Variants in IKZF2 observed in about 807,000 individuals in gnomAD.
The protein encoded by IKZF2 is IKAROS family zinc finger 2.
A neutral mutation model predicts 49.2 loss-of-function variants in IKZF2; 15 were observed. That is an observed-to-expected ratio of 0.30 (90% CI 0.20 to 0.47). IKZF2 has a LOEUF of 0.47. Ranked by LOEUF, IKZF2 falls within the 20% of genes least tolerant of loss-of-function variation. IKZF2 has a pLI of 1.00. For synonymous variants in IKZF2, 227 were observed against 221.4 expected (o/e 1.03, Z -0.23); for missense variants, 567 against 664.6 (o/e 0.85, Z 1.61).
chr2:213,049,882 T>A lies in IKZF2; in HGVS notation c.407-2A>T. ...GGTTACAGTGGAAGGGGCGTTCACC[T>A]GCAGTAAGGAGAAGAAATGGGAAGT... On this transcript the variant is annotated splice_acceptor_variant, in intron 5 of 8. Coordinates refer to ENST00000434687, the MANE Select transcript of IKZF2 (RefSeq NM_001387220.1). LOFTEE classifies it high-confidence loss of function. 6.5e-7 allele frequency: 1 copy of A among 1,542,750 alleles called. No homozygotes were observed. The highest frequency in any genetic ancestry group is 8.8e-7 in the Non-Finnish European group (1 of 1,137,276).
At chr2:213,111,755 TG>T (rs779347881) in intron 4 of IKZF2, among the ~76,000 whole-genome samples, 9 of 152,276 alleles carry the variant, frequency 5.9e-5, no homozygotes, top group Admixed American at 2.0e-4. Flanking sequence ...TTCTGTTTAC[TG>T]GGTGTAGAGA....
intron 4 of IKZF2, among the ~76,000 whole-genome samples, chr2:213,140,168 C>T (rs564379866): frequency 4.6e-5 from 7 of 151,966 alleles, no homozygotes; most frequent in Non-Finnish European, 7.4e-5. Flanking sequence ...GTGTTTCTAG[C>T]ATTAACATTC....
intron 4 of IKZF2, among the ~76,000 whole-genome samples, chr2:213,105,518 A>G (rs1261432723): frequency 6.7e-6 from 1 of 150,122 alleles, no homozygotes; most frequent in Non-Finnish European, 1.5e-5. Context: ...TGACACACTC[A>G]AACATTCCCA....
chr2:213,139,210 TG>T (rs2060783758), intron 4 of IKZF2, among the ~76,000 whole-genome samples: 4 of 151,988 alleles, frequency 2.6e-5, no homozygotes, highest in Admixed American at 2.6e-4. Context: ...AGACTGAATC[TG>T]GGGGATTTAG....
At chr2:213,052,736 TAATAACA>T (rs1479271181) in intron 5 of IKZF2, among the ~76,000 whole-genome samples, 1 of 152,096 alleles carries the variant, frequency 6.6e-6, no homozygotes, top group Non-Finnish European at 1.5e-5. Flanking sequence ...CATATCTGTC[TAATAACA>T]AATAAAAAGT....
intron 8 of IKZF2, among the ~76,000 whole-genome samples, chr2:213,012,542 A>T (rs1301906371): frequency 1.3e-5 from 2 of 152,018 alleles, no homozygotes; most frequent in African/African-American, 2.4e-5. Context: ...ACAGAAAAAA[A>T]GTTACCAAAG....
chr2:213,097,927 G>T, intron 4 of IKZF2: 1 of 263,612 alleles, frequency 3.8e-6, no homozygotes, highest in Non-Finnish European at 7.8e-6. Flanking sequence ...GTATATCAAA[G>T]GACACTTCTA....
chr2:213,072,796 G>C (rs1245937695), intron 4 of IKZF2, among the ~76,000 whole-genome samples: 5 of 152,070 alleles, frequency 3.3e-5, no homozygotes, highest in Non-Finnish European at 2.9e-5. Context: ...TAAAAATTAA[G>C]TATGGCCTAG....
intron 6 of IKZF2, among the ~76,000 whole-genome samples, chr2:213,035,904 G>A (rs1698975212): frequency 6.6e-6 from 1 of 152,144 alleles, no homozygotes; most frequent in Non-Finnish European, 1.5e-5. Flanking sequence ...GTGGCTGAGA[G>A]CAGAGACCCT....
chr2:213,060,259 T>C (rs1469687323), intron 4 of IKZF2, among the ~76,000 whole-genome samples: 1 of 151,372 alleles, frequency 6.6e-6, no homozygotes, highest in Admixed American at 6.6e-5. Flanking sequence ...GAACACCTAA[T>C]ATTTTAACTT....
chr2:213,113,711 T>A (rs975079866), intron 4 of IKZF2, among the ~76,000 whole-genome samples: 1 of 152,182 alleles, frequency 6.6e-6, no homozygotes, highest in Non-Finnish European at 1.5e-5. Context: ...CAGCTGTACC[T>A]ATTGATACTT....
At chr2:213,090,524 T>C (rs772617606) in intron 4 of IKZF2, among the ~76,000 whole-genome samples, 1 of 152,206 alleles carries the variant, frequency 6.6e-6, no homozygotes, top group Non-Finnish European at 1.5e-5. Flanking sequence ...AAGACAATTA[T>C]ACAATAAAAT....
chr2:213,084,787 C>A (rs1704380095), intron 4 of IKZF2, among the ~76,000 whole-genome samples: 1 of 152,096 alleles, frequency 6.6e-6, no homozygotes, highest in Non-Finnish European at 1.5e-5. Context: ...TACTTTGTAA[C>A]CTTTAGAGCC....
intron 4 of IKZF2, among the ~76,000 whole-genome samples, chr2:213,132,782 T>G (rs1474517765): frequency 1.3e-5 from 2 of 152,224 alleles, no homozygotes; most frequent in African/African-American, 2.4e-5. Flanking sequence ...AATGCATTAC[T>G]ACCACTTAAT....
chr2:213,049,923 T>C (rs1234647550), intron 5 of IKZF2, 43 bp from the exon 6 acceptor site: 2 of 1,367,996 alleles, frequency 1.5e-6, no homozygotes, highest in East Asian at 2.6e-5. Context: ...CTAGGGTATG[T>C]GCAAGTGACT....
intron 7 of IKZF2, among the ~76,000 whole-genome samples, chr2:213,017,546 T>A (rs1032416721): frequency 6.6e-6 from 1 of 152,186 alleles, no homozygotes; most frequent in Non-Finnish European, 1.5e-5. Context: ...CCTAGATTTC[T>A]TCCTTTCATC....
intron 4 of IKZF2, among the ~76,000 whole-genome samples, chr2:213,069,411 T>C (rs1190696376): frequency 1.3e-5 from 2 of 152,180 alleles, no homozygotes; most frequent in Admixed American, 1.3e-4. Context: ...AATGCAATTA[T>C]TTCAGGAGCA....
intron 4 of IKZF2, among the ~76,000 whole-genome samples, chr2:213,137,726 G>A (rs1011774087): frequency 1.3e-5 from 2 of 151,994 alleles, no homozygotes; most frequent in Non-Finnish European, 2.9e-5. Flanking sequence ...GTTAAAATGT[G>A]TATTTTTAAA....
At chr2:213,076,122 T>C (rs1010471021) in intron 4 of IKZF2, among the ~76,000 whole-genome samples, 3 of 49,994 alleles carry the variant, frequency 6.0e-5, no homozygotes, top group African/African-American at 4.3e-4. Context: ...CTAAACAGGA[T>C]TTTTTTTAAA....
Sources: gnomAD v4.1 joint callset for allele counts (sites outside exome capture counted in the v4.1 genomes callset) on GRCh38, gnomAD v4.1.1 for gene constraint, MANE v1.5 for transcripts, NCBI Gene and HGNC (gene_info 2026-07-23, HGNC 2026-07-21) for gene names.